NEGR1: variants seen among roughly 807,000 people sequenced by gnomAD.
NEGR1 encodes the protein neuronal growth regulator 1.
In NEGR1, 10 loss-of-function variants were observed where a neutral mutation model predicts 40.9. The observed-to-expected ratio is 0.24, with a 90% CI of 0.15 to 0.42. The LOEUF is 0.42. NEGR1 is among the 10% of genes least tolerant of loss of function. The pLI is 1.00. For missense variants in NEGR1, 352 were observed against 438.9 expected (o/e 0.80, Z 1.77); for synonymous variants, 185 against 166.8 (o/e 1.11, Z -0.84).
chr1:71,582,784 C>T (rs1649178835), intron 6 of NEGR1, among the ~76,000 whole-genome samples: 1 of 152,216 alleles, frequency 6.6e-6, no homozygotes, highest in Non-Finnish European at 1.5e-5. Context: ...CCCAAATTGG[C>T]CATTTGCACT....
intron 6 of NEGR1, among the ~76,000 whole-genome samples, chr1:71,456,383 C>A (rs1646673070): frequency 1.3e-5 from 2 of 152,176 alleles, no homozygotes; most frequent in South Asian, 4.1e-4. Flanking sequence ...GCTAGGATTG[C>A]AACAATGAAC....
intron 2 of NEGR1, among the ~76,000 whole-genome samples, chr1:71,881,034 T>C (rs748832218): frequency 2.0e-5 from 3 of 152,026 alleles, no homozygotes; most frequent in Non-Finnish European, 2.9e-5. Context: ...AAGCAATTTA[T>C]TTTATTGACT....
intron 1 of NEGR1, among the ~76,000 whole-genome samples, chr1:72,210,662 T>A (rs1653569950): frequency 6.6e-6 from 1 of 151,892 alleles, no homozygotes; most frequent in Non-Finnish European, 1.5e-5. Flanking sequence ...TCTCATAGTA[T>A]TTTTAGAGAA....
At position 71,545,315 on chromosome 1, in the gene NEGR1, C is replaced by T. The variant is rs373600022; in HGVS notation, c.940+47502G>A. 1.6e-4 allele frequency among the ~76,000 whole-genome samples: 25 copies of T among 151,644 alleles called. No individual in the cohort carries two copies. In the South Asian group the frequency reaches 4.6e-3, roughly 28 times the overall value. On this transcript the variant is annotated intron_variant, in intron 6 of 6. Transcript: ENST00000357731. ...TCTTAGGTAGATGCAACCTACACAC[C>T]CCTCCTTTTTTAGGAGTTTTTCTGG...
chr1:71,461,817 G>C (rs1219292811), intron 6 of NEGR1: 1 of 152,144 alleles, frequency 6.6e-6, no homozygotes, highest in Admixed American at 6.6e-5. Flanking sequence ...ATACAGCCAA[G>C]GTCATTTTCT....
chr1:72,254,507 CCTGA>C (rs951546222), intron 1 of NEGR1, among the ~76,000 whole-genome samples: 2 of 151,898 alleles, frequency 1.3e-5, no homozygotes, highest in Admixed American at 6.6e-5. Flanking sequence ...TCGTGACCAT[CCTGA>C]CTAACACGAT....
intron 6 of NEGR1, among the ~76,000 whole-genome samples, chr1:71,506,455 G>A (rs1482931348): frequency 6.6e-6 from 1 of 152,186 alleles, no homozygotes; most frequent in East Asian, 1.9e-4. Context: ...CCTGCTGGTA[G>A]AGGAGAGTTG....
chr1:72,176,959 G>T (rs756855654), intron 1 of NEGR1, among the ~76,000 whole-genome samples: 2 of 152,006 alleles, frequency 1.3e-5, no homozygotes, highest in Non-Finnish European at 2.9e-5. Flanking sequence ...ATTCAGATGA[G>T]ATCGAGCGCG....
intron 6 of NEGR1, among the ~76,000 whole-genome samples, chr1:71,591,758 T>C (rs1253700725): frequency 6.6e-6 from 1 of 152,130 alleles, no homozygotes; most frequent in African/African-American, 2.4e-5. Flanking sequence ...TAAACTGATA[T>C]GTTTTATTTC....
chr1:71,927,283 G>A (rs1159972570), intron 2 of NEGR1, among the ~76,000 whole-genome samples: 1 of 152,162 alleles, frequency 6.6e-6, no homozygotes, highest in East Asian at 1.9e-4. Flanking sequence ...TGTTATGCAA[G>A]ATTTCCTTGC....
chr1:71,589,423 C>A (rs528005014), intron 6 of NEGR1, among the ~76,000 whole-genome samples: 1 of 152,268 alleles, frequency 6.6e-6, no homozygotes, highest in African/African-American at 2.4e-5. Context: ...GAAACTATCA[C>A]CTCCATTCTG....
chr1:71,789,500 T>C (rs181436948), intron 2 of NEGR1, among the ~76,000 whole-genome samples: 11 of 152,212 alleles, frequency 7.2e-5, no homozygotes, highest in African/African-American at 1.9e-4. Context: ...TTGCCACTTC[T>C]CCCTTTTGGC....
intron 6 of NEGR1, among the ~76,000 whole-genome samples, chr1:71,528,391 T>C (rs1313452762): frequency 6.6e-6 from 1 of 151,330 alleles, no homozygotes; most frequent in Non-Finnish European, 1.5e-5. Flanking sequence ...TAAACACCTT[T>C]AAGATAATAA....
intron 4 of NEGR1, among the ~76,000 whole-genome samples, chr1:71,657,979 ATT>A (rs1052923929): frequency 6.6e-6 from 1 of 152,206 alleles, no homozygotes; most frequent in African/African-American, 2.4e-5. Flanking sequence ...ACTGCTAAAC[ATT>A]CTTTTTTTCT....
chr1:72,155,561 A>G (rs940543707), intron 1 of NEGR1, among the ~76,000 whole-genome samples: 1 of 152,126 alleles, frequency 6.6e-6, no homozygotes, highest in Non-Finnish European at 1.5e-5. Context: ...TTCTCAGGTT[A>G]TTAATTGAAA....
Position 71,401,629 on chromosome 1 carries a change from C to T in NEGR1, c.*5817G>A, listed in dbSNP as rs953889412. 1 of 152,156 alleles carries T rather than the reference C, an allele frequency of 6.6e-6. No individual in the cohort carries two copies. Among genetic ancestry groups the T allele is most frequent in the Non-Finnish European group, 1.5e-5 (1 of 68,030 alleles). 9.4% of individuals were successfully genotyped at this position (152,156 alleles called of 1,614,324 possible). On this transcript the variant is annotated 3_prime_UTR_variant, in exon 7 of 7. Transcript: ENST00000357731. ...GTATTTCAATATAAATGGCCTCAAA[C>T]AACATCACTCAGATTAAAATCAGTA...
chr1:71,565,277 C>T (rs979074552), intron 6 of NEGR1, among the ~76,000 whole-genome samples: 16 of 152,082 alleles, frequency 1.1e-4, no homozygotes, highest in African/African-American at 3.9e-4. Context: ...GGAATTAAGA[C>T]ATATTCAAAG....
chr1:71,581,396 C>G (rs896475288), intron 6 of NEGR1, among the ~76,000 whole-genome samples: 1 of 152,172 alleles, frequency 6.6e-6, no homozygotes, highest in Non-Finnish European at 1.5e-5. Context: ...GGGAAATTTT[C>G]TTGCAGTATT....
intron 2 of NEGR1, among the ~76,000 whole-genome samples, chr1:71,865,806 G>A (rs1425660442): frequency 1.3e-5 from 2 of 152,106 alleles, no homozygotes; most frequent in African/African-American, 4.8e-5. Context: ...TTTTACATAT[G>A]CTTTTCTTGT....
Sources: allele counts gnomAD v4.1 joint callset (sites outside exome capture counted in the v4.1 genomes callset), GRCh38; gene constraint gnomAD v4.1.1; transcripts MANE v1.5; gene names NCBI Gene and HGNC (gene_info 2026-07-23, HGNC 2026-07-21).